Variants in LYZL1 observed in about 807,000 individuals in gnomAD.
LYZL1 encodes lysozyme-like protein 1.
In LYZL1, 16 loss-of-function variants were observed where a neutral mutation model predicts 17.9. The observed-to-expected ratio is 0.90, with a 90% CI of 0.61 to 1.36. LYZL1 has a LOEUF of 1.36. LYZL1 is among the 40% of genes most tolerant of loss of function. The pLI is 0.00. For synonymous variants in LYZL1, 58 were observed against 71.8 expected, an observed-to-expected ratio of 0.81 and a Z score of 0.97; for missense variants, 149 against 188.4, an observed-to-expected ratio of 0.79 and a Z score of 1.22.
chr10:29,313,465 G>A (rs1406071127), downstream of LYZL1, among the ~76,000 whole-genome samples: 1 of 152,058 alleles, frequency 6.6e-6, no homozygotes, highest in Non-Finnish European at 1.5e-5. Context: ...AAAGACTGGG[G>A]GAAATATTTT....
intron 3 of LYZL1, among the ~76,000 whole-genome samples, chr10:29,307,941 C>A (rs61379662): frequency 6.6e-6 from 1 of 152,126 alleles, no homozygotes; most frequent in Non-Finnish European, 1.5e-5. Context: ...TATACGCCCA[C>A]GAGCAAGTAT....
intron 3 of LYZL1, among the ~76,000 whole-genome samples, chr10:29,295,932 C>G (rs1347896370): frequency 6.6e-6 from 1 of 152,070 alleles, no homozygotes; most frequent in Non-Finnish European, 1.5e-5. Flanking sequence ...TGAACTCTGC[C>G]AAAACTCAAG....
chr10:29,300,830 T>C (rs1435531501), intron 3 of LYZL1, among the ~76,000 whole-genome samples: 1 of 152,186 alleles, frequency 6.6e-6, no homozygotes, highest in Non-Finnish European at 1.5e-5. Context: ...TCTCAAGTTG[T>C]TGCTGTTTTG....
In LYZL1 at chr10:29,292,693, T is replaced by C. The variant is rs756348505; in HGVS notation, c.298+16T>C. On this transcript the variant is annotated intron_variant, in intron 3 of 4. Transcript: ENST00000649382. ...GCCTGCTCAGGTGAGGCTCTGACTT[T>C]CCAGTGATGCCATCCTCAGGACTAG... The C allele has an allele frequency of 6.2e-7, 1 of 1,606,846 alleles. No individual in the cohort carries two copies. The highest frequency in any genetic ancestry group is 1.1e-5 in the South Asian group (1 of 89,926).
chr10:29,311,207 A>G lies in LYZL1; in HGVS notation c.*148A>G, dbSNP rs1835667643. On this transcript the variant is annotated 3_prime_UTR_variant, in exon 5 of 5. Transcript: ENST00000649382. ...TTAAGCTATACTTTTAAGAAAATAA[A>G]TATTTCCATTTAAATGTCTTCACCC... 2 of 1,578,448 alleles carry G rather than the reference A, an allele frequency of 1.3e-6. No homozygotes were observed. Among genetic ancestry groups the G allele is most frequent in the South Asian group, 1.2e-5 (1 of 86,876 alleles).
intron 3 of LYZL1, among the ~76,000 whole-genome samples, chr10:29,297,983 C>T (rs1400023073): frequency 6.6e-6 from 1 of 152,124 alleles, no homozygotes; most frequent in Non-Finnish European, 1.5e-5. Context: ...TTCTGTGCTA[C>T]CAAATTATCA....
chr10:29,298,565 AC>A (rs1835475847), intron 3 of LYZL1, among the ~76,000 whole-genome samples: 1 of 152,022 alleles, frequency 6.6e-6, no homozygotes, highest in Admixed American at 6.6e-5. Flanking sequence ...TATTCAGCTC[AC>A]CTCCCATGCA....
intron 3 of LYZL1, among the ~76,000 whole-genome samples, chr10:29,301,125 C>A (rs1000415316): frequency 2.6e-5 from 4 of 152,104 alleles, no homozygotes; most frequent in Admixed American, 2.0e-4. Flanking sequence ...ATTATGGGGG[C>A]AGTTCTTTCC....
chr10:29,311,141 G>A lies in LYZL1; in HGVS notation c.*82G>A, dbSNP rs41283738. ...CCAAATGCCTGTGTCATCTTGTCCC[G>A]TTTCCTCCCAATATTCCTTCTCAAA... On this transcript the variant is annotated 3_prime_UTR_variant, in exon 5 of 5. Coordinates refer to ENST00000649382, the MANE Select transcript of LYZL1 (RefSeq NM_032517.6). 0.062 allele frequency: 99,895 copies of A among 1,612,204 alleles called. 3,537 individuals carry two copies. Among genetic ancestry groups the A allele is most frequent in the South Asian group, 0.13 (11,815 of 90,760 alleles).
rs146364281 is a variant in LYZL1, at chr10:29,292,620, G to A, written c.241G>A (p.Ala81Thr). 82 of 1,614,238 alleles carry A rather than the reference G, an allele frequency of 5.1e-5. No homozygotes were observed. Among genetic ancestry groups the A allele is most frequent in the African/African-American group, 1.9e-4 (14 of 75,062 alleles). ...TGGCATCTTCCAGATCAACAGCTTC[G>A]CGTGGTGCAGACGCGGAAAGCTGAA... is the stretch of plus-strand genomic sequence containing the variant. The part of the protein sequence containing the change: ...DYGIFQINSF[A>T]WCRRGKLKEN... Residue 81 changes from alanine to threonine, a missense_variant, in exon 3 of 5, where the codon GCG becomes ACG. Physicochemically the swap from Ala to Thr is moderately conservative, Grantham distance 58 (BLOSUM62 0). Around this residue, in one of 2 missense-constraint regions of LYZL1, gnomAD observed 130 missense variants for 132.5 expected, o/e 0.98. Coordinates refer to ENST00000649382, the MANE Select transcript of LYZL1 (RefSeq NM_032517.6).
chr10:29,304,027 C>T (rs766328598), intron 3 of LYZL1, among the ~76,000 whole-genome samples: 5 of 152,196 alleles, frequency 3.3e-5, no homozygotes, highest in African/African-American at 1.2e-4. Context: ...TCCCAAAGTG[C>T]TGGGATTACA....
At chr10:29,312,799 G>T (rs1265213518), downstream of LYZL1, among the ~76,000 whole-genome samples, 1 of 152,132 alleles carries the variant, frequency 6.6e-6, no homozygotes, top group Non-Finnish European at 1.5e-5. Flanking sequence ...CCTCTGTTCT[G>T]CTGGGGCAGA....
At chr10:29,310,969 C>T (rs768788545) in intron 4 of LYZL1, 21 bp from the exon 5 acceptor site, 69 of 1,614,074 alleles carry the variant, frequency 4.3e-5, no homozygotes, top group Non-Finnish European at 5.4e-5. Flanking sequence ...TCTGCTGCTC[C>T]TGCTTCCCTC....
intron 3 of LYZL1, among the ~76,000 whole-genome samples, chr10:29,309,550 G>A (rs1213419665): frequency 6.6e-6 from 1 of 152,012 alleles, no homozygotes; most frequent in East Asian, 1.9e-4. Flanking sequence ...AGGCTGGAGT[G>A]CAGTGGTGTG....
At chr10:29,289,861 A>G (rs556914553) in intron 1 of LYZL1, among the ~76,000 whole-genome samples, 4 of 152,334 alleles carry the variant, frequency 2.6e-5, no homozygotes, top group African/African-American at 9.6e-5. Context: ...AAACACAATT[A>G]CTGAACTCTG....
chr10:29,290,712 G>A (rs1214565783), intron 1 of LYZL1, among the ~76,000 whole-genome samples: 9 of 152,036 alleles, frequency 5.9e-5, no homozygotes, highest in East Asian at 1.9e-4. Context: ...GGTGGTGGGC[G>A]CCTGTAATCC....
intron 3 of LYZL1, among the ~76,000 whole-genome samples, chr10:29,302,551 C>T (rs1835535292): frequency 6.6e-6 from 1 of 152,136 alleles, no homozygotes; most frequent in African/African-American, 2.4e-5. Context: ...GTTCATATGT[C>T]GCATGTCTCA....
At chr10:29,316,165 C>G (rs1835727384), downstream of LYZL1, among the ~76,000 whole-genome samples, 1 of 152,172 alleles carries the variant, frequency 6.6e-6, no homozygotes. Flanking sequence ...GCTTCTGGAA[C>G]AAAATGGGGC....
intron 3 of LYZL1, among the ~76,000 whole-genome samples, chr10:29,306,839 T>TGA (rs146929957): frequency 0.01 from 1,458 of 139,036 alleles, 9 homozygotes; most frequent in Non-Finnish European, 0.015. Flanking sequence ...TGAAAGAGAT[T>TGA]GAGAGAGAGA....
Sources: gnomAD v4.1 joint callset for allele counts (sites outside exome capture counted in the v4.1 genomes callset) on GRCh38, gnomAD v4.1.1 for gene constraint, gnomAD v4.1.1 regional missense constraint, MANE v1.5 for transcripts, NCBI Gene and HGNC (gene_info 2026-07-23, HGNC 2026-07-21) for gene names.